The following MAP1S variants were observed in gnomAD, a reference collection of about 807,000 sequenced individuals.
MAP1S encodes microtubule associated protein 1S.
A neutral mutation model predicts 60.9 loss-of-function variants in MAP1S; 27 were observed. The observed-to-expected ratio is 0.44, with a 90% CI of 0.33 to 0.61. The LOEUF is 0.61. Among genes scored for constraint, MAP1S ranks in the 20% least tolerant of loss-of-function variants. The pLI is 0.03. For missense variants in MAP1S, 1,608 were observed against 1,486.6 expected, an observed-to-expected ratio of 1.08 and a Z score of -1.34; for synonymous variants, 826 against 694.2, an observed-to-expected ratio of 1.19 and a Z score of -2.98.
chr19:17,719,980 T>G (rs1238686645), intron 1 of MAP1S: 8 of 359,878 alleles, frequency 2.2e-5, no homozygotes, highest in Non-Finnish European at 2.7e-5. Context: ...GGGCCTGGGG[T>G]CGCTTTGGAT....
rs550457134 is a variant in MAP1S at position 17,734,464 on chromosome 19, C to A, written c.*36C>A. ...GACACGCCCCCCACTCAGCCCAGCC[C>A]GCCTGTCCCTAGATTCAGCCACATC... On this transcript the variant is annotated 3_prime_UTR_variant, in exon 7 of 7. Transcript: ENST00000324096. 5 of 1,584,488 alleles carry A rather than the reference C, an allele frequency of 3.2e-6. No individual in the cohort carries two copies. The highest frequency in any genetic ancestry group is 1.1e-5 in the South Asian group (1 of 89,108).
chr19:17,733,910 C>T (rs2080515667), intron 6 of MAP1S, among the ~76,000 whole-genome samples: 1 of 152,206 alleles, frequency 6.6e-6, no homozygotes, highest in Admixed American at 6.5e-5. Flanking sequence ...AGGAGTGTCC[C>T]TGTAGGGTGC....
chr19:17,722,507 G>A (rs2080379538), intron 2 of MAP1S, among the ~76,000 whole-genome samples: 1 of 133,192 alleles, frequency 7.5e-6, no homozygotes, highest in African/African-American at 2.8e-5. Flanking sequence ...CCAGCACTTT[G>A]GAAGGCTGAG....
chr19:17,728,968 A>G (rs1307885855), intron 5 of MAP1S: 1 of 152,206 alleles, frequency 6.6e-6, no homozygotes, highest in Non-Finnish European at 1.5e-5. Context: ...TGCCATTCTG[A>G]GGTGCCTGGA....
Position 17,725,351 on chromosome 19 carries a change from G to C in MAP1S, c.444+162G>C, listed in dbSNP as rs2080408322. On this transcript the variant is annotated intron_variant, in intron 4 of 6. Transcript: ENST00000324096. The surrounding 1 kb of genome is among the most constrained non-coding windows in gnomAD (Gnocchi z 4.2). ...CATGCCTCCTGGCTGTCTGGGGTCAGTCCCATTGCCCGCGAAAGGGTGTGG... is the reference window on the plus strand; with the variant it reads ...CATGCCTCCTGGCTGTCTGGGGTCACTCCCATTGCCCGCGAAAGGGTGTGG... 6.6e-6 allele frequency among the ~76,000 whole-genome samples: 1 copy of C among 152,176 alleles called. No homozygotes were observed. The highest frequency in any genetic ancestry group is 1.5e-5 in the Non-Finnish European group (1 of 68,042).
chr19:17,726,594 G>A lies in MAP1S; in HGVS notation c.1210G>A (p.Gly404Ser), dbSNP rs1237520358. The change falls in exon 5 of 7, where the codon GGC (glycine) becomes AGC (serine). Residue 404 changes from glycine (G) to serine (S), a missense_variant. By Grantham distance (56) the Gly-to-Ser change is moderately conservative. This residue lies in a region of MAP1S where 1,167 missense variants were observed against 961.4 expected (regional missense o/e 1.21). Coordinates refer to ENST00000324096, the MANE Select transcript of MAP1S (RefSeq NM_018174.6). ...GTATGTGCTGCACCCGCCCTCCGCC[G>A]GCGCCGAGCGCACGCTGGCCTCTGT... ...DMYVLHPPSA[G>S]AERTLASVCA... 7.6e-6 allele frequency: 12 copies of A among 1,572,312 alleles called. No individual in the cohort carries two copies. The African/African-American group carries it at 8.1e-5, about 11-fold the overall frequency.
intron 5 of MAP1S, among the ~76,000 whole-genome samples, chr19:17,730,138 T>C (rs2080480422): frequency 1.3e-5 from 2 of 152,188 alleles, no homozygotes; most frequent in Non-Finnish European, 2.9e-5. Context: ...ACCGCCAGAC[T>C]GTTTTCCACA....
At chr19:17,733,529 C>A in intron 6 of MAP1S, 101 bp downstream of exon 6, 4 of 972,808 alleles carry the variant, frequency 4.1e-6, no homozygotes, top group Middle Eastern at 5.6e-4. Flanking sequence ...CCAGGCCACA[C>A]GGGAATGGGG....
Position 17,726,417 on chromosome 19 carries a change from G to T in MAP1S, c.1033G>T (p.Ala345Ser). The T allele has an allele frequency of 6.4e-7, 1 of 1,572,162 alleles. No homozygotes were observed. The highest frequency in any genetic ancestry group is 8.6e-7 in the Non-Finnish European group (1 of 1,166,298). ...CGTGTTCTTCAACGCCTGCGAGGCCGCGTCGCGGCTGGCGCGCGGCGAGGA... is the reference window on the plus strand; with the variant it reads ...CGTGTTCTTCAACGCCTGCGAGGCCTCGTCGCGGCTGGCGCGCGGCGAGGA... ...GVVFFNACEA[A>S]SRLARGEDEA... The change falls in exon 5 of 7, where the codon GCG (alanine) becomes TCG (serine). Residue 345 changes from alanine (A) to serine (S), a missense_variant. Around this residue, in one of 4 missense-constraint regions of MAP1S, gnomAD observed 1,167 missense variants for 961.4 expected, o/e 1.21. Transcript: ENST00000324096.
chr19:17,720,024 C>T (rs1052953300), intron 1 of MAP1S: 29 of 746,272 alleles, frequency 3.9e-5, no homozygotes, highest in Middle Eastern at 6.0e-4. Context: ...AGAGATCTCC[C>T]GGAGGGAGAA....
At position 17,719,545 on chromosome 19, in the gene MAP1S, T is replaced by G. The variant is rs2080351883; in HGVS notation, c.43T>G (p.Ser15Ala). The G allele has an allele frequency of 8.0e-7, 1 of 1,245,738 alleles. No individual in the cohort carries two copies. The highest frequency in any genetic ancestry group is 1.0e-6 in the Non-Finnish European group (1 of 987,506). 77.2% of individuals were successfully genotyped at this position (1,245,738 alleles called of 1,614,324 possible). A position where few individuals can be genotyped will look rare whatever the true frequency, so the allele number is the denominator to read the frequency against. Reference protein sequence around the residue: ...AGSGAAAAPSSLLLVVGSEFG... With the variant: ...AGSGAAAAPSALLLVVGSEFG... ...ATCTGGGGCTGCCGCGGCTCCGAGC[T>G]CACTGCTCCTCGTGGTGGGCAGCGA... Residue 15 changes from serine (S) to alanine (A), a missense_variant, in exon 1 of 7, where the codon TCA becomes GCA. Ser to Ala is a moderately conservative substitution (Grantham distance 99). Coordinates refer to ENST00000324096, the MANE Select transcript of MAP1S (RefSeq NM_018174.6).
rs997231274 is a variant in MAP1S, at chr19:17,726,862, G to A, written c.1478G>A (p.Arg493Lys). ...GAGGGCCTCCTGGCCACCCACCCTA[G>A]ACCTGGCCAGGAGCGCCCTGGGGTG... ...KREGLLATHP[R>K]PGQERPGVAR... is the part of the protein sequence containing the mutation. The change falls in exon 5 of 7, where the codon AGA becomes AAA. Residue 493 changes from arginine to lysine, a missense_variant. Coordinates refer to ENST00000324096, the MANE Select transcript of MAP1S (RefSeq NM_018174.6). 1.5e-5 allele frequency: 23 copies of A among 1,554,970 alleles called. No homozygotes were observed. In the African/African-American group the frequency reaches 2.7e-4, roughly 18 times the overall value.
intron 2 of MAP1S, 42 bp downstream of exon 2, chr19:17,721,079 T>C (rs1333966412): frequency 2.5e-5 from 38 of 1,523,882 alleles, no homozygotes; most frequent in Non-Finnish European, 3.4e-5. Flanking sequence ...CCTCTTGTTA[T>C]TTGGGGAAGT....
In MAP1S at chr19:17,721,035, A is replaced by G; in HGVS notation, c.218A>G (p.Lys73Arg). 6.2e-7 allele frequency: 1 copy of G among 1,613,662 alleles called. No homozygotes were observed. The highest frequency in any genetic ancestry group is 8.5e-7 in the Non-Finnish European group (1 of 1,179,664). ...TCTGCCACCTTCTCCAGCATTGTGA[A>G]AGGTGAGGCTGGGGTCCCCCTGACT... ...RHSATFSSIVKGQRSLHHRGD... is the reference protein window; with the variant it reads ...RHSATFSSIVRGQRSLHHRGD... The change falls in exon 2 of 7, where the codon AAA (lysine) becomes AGA (arginine). Residue 73 changes from lysine to arginine, a missense_variant and splice_region_variant. Lys to Arg is a conservative substitution (Grantham distance 26). This residue lies in a region of MAP1S where 320 missense variants were observed against 393.1 expected (regional missense o/e 0.81). Coordinates refer to ENST00000324096, the MANE Select transcript of MAP1S (RefSeq NM_018174.6).
In MAP1S at chr19:17,727,087, C is replaced by T. The variant is rs201850813; in HGVS notation, c.1703C>T (p.Thr568Met). 144 of 1,604,116 alleles carry T rather than the reference C, an allele frequency of 9.0e-5. 1 individual carries two copies. The African/African-American group carries it at 1.2e-3, about 14-fold the overall frequency. Residue 568 changes from threonine (T) to methionine (M), a missense_variant, in exon 5 of 7, where the codon ACG becomes ATG. By Grantham distance (81) the Thr-to-Met change is moderately conservative. This residue lies in a region of MAP1S where 1,167 missense variants were observed against 961.4 expected (regional missense o/e 1.21). Transcript: ENST00000324096. The surrounding 1 kb of genome is among the most constrained non-coding windows in gnomAD (Gnocchi z 4.1). ...CCCAAGCCCCGCAAAGCGCCCAGCA[C>T]GTCCCACTCTGGCTTCCCGCCGGTG... ...AAPKPRKAPS[T>M]SHSGFPPVAN...
chr19:17,727,424 C>T lies in MAP1S; in HGVS notation c.2040C>T (p.Pro680=), dbSNP rs769674349. 4.4e-6 allele frequency: 7 copies of T among 1,601,116 alleles called. No homozygotes were observed. The highest frequency in any genetic ancestry group is 3.4e-5 in the Admixed American group (2 of 58,320). ...PTVTTPTVTT[P]SLPAEVGSPH... is the part of the protein sequence containing the mutation. ...TGACCACACCCACGGTGACCACGCC[C>T]TCACTACCCGCAGAGGTGGGCTCCC... The change falls in exon 5 of 7, where the codon CCC becomes CCT. Residue 680 remains proline (P), a synonymous_variant. Coordinates refer to ENST00000324096, the MANE Select transcript of MAP1S (RefSeq NM_018174.6). The surrounding 1 kb of genome is among the most constrained non-coding windows in gnomAD (Gnocchi z 4.1).
At chr19:17,730,895 C>CTT (rs779442592) in intron 5 of MAP1S, among the ~76,000 whole-genome samples, 23 of 134,728 alleles carry the variant, frequency 1.7e-4, no homozygotes, top group African/African-American at 3.8e-4. Context: ...TTTTCTTTTT[C>CTT]TTTTTTTTTT....
At chr19:17,730,159 G>T (rs113665529) in intron 5 of MAP1S, among the ~76,000 whole-genome samples, 2 of 152,192 alleles carry the variant, frequency 1.3e-5, no homozygotes, top group Non-Finnish European at 2.9e-5. Flanking sequence ...GCAGCTGCTT[G>T]ACGCTAGCCA....
At chr19:17,732,952 T>C in intron 5 of MAP1S, 1 of 520,200 alleles carries the variant, frequency 1.9e-6, no homozygotes, top group Admixed American at 3.6e-5. Context: ...CTTGGAAGGC[T>C]GAGGCAGGAG....
Sources: allele counts gnomAD v4.1 joint callset (sites outside exome capture counted in the v4.1 genomes callset), GRCh38; gene constraint gnomAD v4.1.1; regional missense constraint gnomAD v4.1.1; non-coding constraint Gnocchi (gnomAD v3.1); transcripts MANE v1.5; gene names NCBI Gene and HGNC (gene_info 2026-07-23, HGNC 2026-07-21).